The following POGZ variants were observed in gnomAD, a reference collection of about 807,000 sequenced individuals.
POGZ encodes the protein pogo transposable element with ZNF domain.
Under a neutral mutation model 134.6 loss-of-function variants are expected in POGZ, and 17 were observed. That is an observed-to-expected ratio of 0.13 (90% CI 0.09 to 0.19). The LOEUF (loss-of-function observed/expected upper bound fraction) is 0.19, where lower values mean the gene tolerates loss of function less well. Ranked by LOEUF, POGZ falls within the 10% of genes least tolerant of loss-of-function variation. POGZ has a pLI of 1.00. For missense variants in POGZ, 1,306 were observed against 1,769.7 expected (o/e 0.74, Z 4.70); for synonymous variants, 693 against 657.1 (o/e 1.05, Z -0.84).
chr1:151,425,057 G>A lies in POGZ; in HGVS notation c.1083C>T (p.Thr361=), dbSNP rs1657539811. ...GGAGGTCAAATACTGGGATGGAAGA[G>A]GTCACTGAAAGAAGTGAGAAGAATT... The part of the protein sequence containing the change: ...TSGPESSMKV[T]SSIPVFDLQD... Residue 361 remains threonine (T), a synonymous_variant, in exon 8 of 19, where the codon ACC becomes ACT. Transcript: ENST00000271715. 6 of 1,512,766 alleles carry A rather than the reference G, an allele frequency of 4.0e-6. No homozygotes were observed. The highest frequency in any genetic ancestry group is 5.5e-6 in the Non-Finnish European group (6 of 1,094,532). The allele number at this position is 1,512,766 out of a possible 1,614,324, so 93.7% of individuals were successfully genotyped here. A position where few individuals can be genotyped will look rare whatever the true frequency, so the allele number is the denominator to read the frequency against.
intron 10 of POGZ, among the ~76,000 whole-genome samples, chr1:151,419,261 C>A (rs1169541871): frequency 6.6e-6 from 1 of 151,938 alleles, no homozygotes; most frequent in East Asian, 1.9e-4. Flanking sequence ...ACTTGGGAGA[C>A]TGAGGCACAA....
At chr1:151,428,096 C>T (rs545978690) in intron 6 of POGZ, 27 bp downstream of exon 6, 1 of 1,613,514 alleles carries the variant, frequency 6.2e-7, no homozygotes, top group African/African-American at 1.3e-5. Context: ...CAACCTGGCT[C>T]TGCCATCTCC....
chr1:151,423,841 G>T, intron 9 of POGZ, 108 bp downstream of exon 9: 1 of 813,758 alleles, frequency 1.2e-6, no homozygotes, highest in Non-Finnish European at 1.9e-6. Context: ...ACCCCAGCAA[G>T]ACTGCATAGT....
At chr1:151,429,838 G>C (rs1658405107) in intron 4 of POGZ, 127 bp from the exon 5 acceptor site, 2 of 476,588 alleles carry the variant, frequency 4.2e-6, no homozygotes, top group Admixed American at 3.9e-5. Flanking sequence ...TAGAATTAGA[G>C]GTTTCAAATG....
At chr1:151,455,882 G>C (rs1335592391) in intron 1 of POGZ, among the ~76,000 whole-genome samples, 2 of 149,920 alleles carry the variant, frequency 1.3e-5, no homozygotes, top group South Asian at 4.2e-4. Flanking sequence ...CTCAACAAAC[G>C]GTAGTTTCTT....
At chr1:151,450,240 C>T (rs1661881072) in intron 1 of POGZ, among the ~76,000 whole-genome samples, 1 of 151,714 alleles carries the variant, frequency 6.6e-6, no homozygotes, top group African/African-American at 2.4e-5. Flanking sequence ...CCATATTGGC[C>T]AGGCTGGTCT....
At chr1:151,422,099 A>G (rs1258060385) in intron 10 of POGZ, among the ~76,000 whole-genome samples, 2 of 152,230 alleles carry the variant, frequency 1.3e-5, no homozygotes, top group Non-Finnish European at 2.9e-5. Context: ...TAGCAAATGC[A>G]TCCAGATAAT....
At chr1:151,408,388 C>A (rs779178731) in intron 14 of POGZ, 21 bp downstream of exon 14, 1 of 1,578,356 alleles carries the variant, frequency 6.3e-7, no homozygotes, top group Admixed American at 2.0e-5. Context: ...ACCCGCCCAG[C>A]ACTTAGAAGA....
At chr1:151,443,354 G>C (rs565564899) in intron 1 of POGZ, among the ~76,000 whole-genome samples, 1 of 152,004 alleles carries the variant, frequency 6.6e-6, no homozygotes, top group Non-Finnish European at 1.5e-5. Context: ...CTGTGATTTC[G>C]GAGTCAACCC....
intron 10 of POGZ, among the ~76,000 whole-genome samples, chr1:151,422,543 C>T (rs1657086144): frequency 6.6e-6 from 1 of 152,054 alleles, no homozygotes; most frequent in Non-Finnish European, 1.5e-5. Context: ...TCCAGCTTAC[C>T]TTATATTTCA....
At chr1:151,454,404 T>C (rs1662519851) in intron 1 of POGZ, among the ~76,000 whole-genome samples, 1 of 152,198 alleles carries the variant, frequency 6.6e-6, no homozygotes, top group Non-Finnish European at 1.5e-5. Context: ...AATAAGCTTT[T>C]ATTTATCCAG....
intron 10 of POGZ, among the ~76,000 whole-genome samples, chr1:151,417,558 C>T (rs996951290): frequency 2.0e-5 from 3 of 151,480 alleles, no homozygotes; most frequent in African/African-American, 7.3e-5. Flanking sequence ...GACAGGGTTT[C>T]ACCACGTTGG....
intron 1 of POGZ, chr1:151,455,328 T>C (rs1301308616): frequency 2.0e-5 from 3 of 152,214 alleles, no homozygotes; most frequent in Non-Finnish European, 4.4e-5. Context: ...TTAGTAAATA[T>C]CCCAGTTAGG....
intron 1 of POGZ, among the ~76,000 whole-genome samples, chr1:151,453,926 C>T (rs1049033381): frequency 2.0e-5 from 3 of 152,134 alleles, no homozygotes; most frequent in South Asian, 4.1e-4. Context: ...TGCAGATACA[C>T]CTGTATACTT....
Position 151,406,833 on chromosome 1 carries a change from A to G in POGZ, c.2545+78T>C. On this transcript the variant is annotated intron_variant, in intron 17 of 18. Coordinates refer to ENST00000271715, the MANE Select transcript of POGZ (RefSeq NM_015100.4). ...AGTGAATGAGTGAGGCCAAGTAGGTATGCTCCTGATGCATACAGTACGAAC... is the reference window on the plus strand; with the variant it reads ...AGTGAATGAGTGAGGCCAAGTAGGTGTGCTCCTGATGCATACAGTACGAAC... 2.7e-6 allele frequency: 3 copies of G among 1,116,450 alleles called. No homozygotes were observed. The South Asian group carries it at 3.9e-5, about 15-fold the overall frequency. 69.2% of individuals were successfully genotyped at this position (1,116,450 alleles called of 1,614,324 possible).
chr1:151,428,358 C>A lies in POGZ; in HGVS notation c.624G>T (p.Gln208His). 1 of 1,614,012 alleles carries A rather than the reference C, an allele frequency of 6.2e-7. No homozygotes were observed. The highest frequency in any genetic ancestry group is 8.5e-7 in the Non-Finnish European group (1 of 1,179,876). ...PTVGVPQVFS[Q>H]MTPVRPGSTM... ...TGGAGCCTGGCCTCACAGGGGTCAT[C>A]TGGGAGAACACTTGTGGAACTCCAA... is the stretch of plus-strand genomic sequence containing the variant. Residue 208 changes from glutamine to histidine, a missense_variant, in exon 6 of 19, where the codon CAG becomes CAT. Coordinates refer to ENST00000271715, the MANE Select transcript of POGZ (RefSeq NM_015100.4).
chr1:151,404,135 A>G lies in POGZ; in HGVS notation c.*667T>C, dbSNP rs1156739938. 8.1e-6 allele frequency: 8 copies of G among 985,420 alleles called. No homozygotes were observed. Among genetic ancestry groups the G allele is most frequent in the African/African-American group, 5.2e-5 (3 of 57,234 alleles). The allele number at this position is 985,420 out of a possible 1,614,324, so 61.0% of individuals were successfully genotyped here. A position where few individuals can be genotyped will look rare whatever the true frequency, so the allele number is the denominator to read the frequency against. ...CATGCATTTTTAAAGCCACAATTTT[A>G]TATCTAGGGTTGCTGTAGAAACCAA... On this transcript the variant is annotated 3_prime_UTR_variant, in exon 19 of 19. Transcript: ENST00000271715.
intron 1 of POGZ, among the ~76,000 whole-genome samples, chr1:151,445,253 G>C (rs1448253287): frequency 6.6e-6 from 1 of 152,012 alleles, no homozygotes; most frequent in Non-Finnish European, 1.5e-5. Context: ...TGGACACAGT[G>C]GCTCACATCT....
At chr1:151,408,048 A>G (rs1653997558) in intron 15 of POGZ, 52 bp downstream of exon 15, 7 of 1,460,284 alleles carry the variant, frequency 4.8e-6, no homozygotes, top group Non-Finnish European at 6.5e-6. Flanking sequence ...GAAGAAGAAG[A>G]AAAAAAGAAT....
Sources: gnomAD v4.1 joint callset for allele counts (sites outside exome capture counted in the v4.1 genomes callset) on GRCh38, gnomAD v4.1.1 for gene constraint, MANE v1.5 for transcripts, NCBI Gene and HGNC (gene_info 2026-07-23, HGNC 2026-07-21) for gene names.